The following ARHGEF26 variants were observed in gnomAD, a reference collection of about 807,000 sequenced individuals.
The protein encoded by ARHGEF26 is Rho guanine nucleotide exchange factor 26.
ARHGEF26 carries 59 observed loss-of-function variants against 89.4 expected under a neutral mutation model. The observed-to-expected ratio is 0.66, with a 90% CI of 0.54 to 0.82. The LOEUF is 0.82. Ranked by LOEUF, ARHGEF26 falls within the 40% of genes least tolerant of loss-of-function variation. ARHGEF26 has a pLI of 0.00. For missense variants in ARHGEF26, 1,234 were observed against 1,085.6 expected (o/e 1.14, Z -1.92); for synonymous variants, 500 against 428.4 (o/e 1.17, Z -2.06).
rs1720112666 is a variant in ARHGEF26, at chr3:154,152,930, A to G, written c.1485A>G (p.Lys495=). ...SNITDVCEAS[K]KFFIELEARH... ...TTACAGATGTCTGTGAGGCAAGCAA[A>G]AAGTAAGTGCACTGCAGTCTGCCTT... The change falls in exon 6 of 15, where the codon AAA becomes AAG. Residue 495 remains lysine (K), a splice_region_variant and synonymous_variant. Coordinates refer to ENST00000465093, the MANE Select transcript of ARHGEF26 (RefSeq NM_015595.4). The G allele has an allele frequency of 1.3e-6, 2 of 1,581,826 alleles. No homozygotes were observed. Among genetic ancestry groups the G allele is most frequent in the Non-Finnish European group, 8.6e-7 (1 of 1,165,466 alleles).
At chr3:154,201,997 T>G (rs979031844) in intron 9 of ARHGEF26, among the ~76,000 whole-genome samples, 2 of 152,154 alleles carry the variant, frequency 1.3e-5, no homozygotes, top group African/African-American at 2.4e-5. Context: ...GTGCAGAAGC[T>G]CTTTAGTTTA....
rs148643161 is a variant in ARHGEF26 at position 154,219,709 on chromosome 3, C to T, written c.1935+1751C>T. 4.0e-3 allele frequency among the ~76,000 whole-genome samples: 612 copies of T among 151,860 alleles called. 2 individuals are homozygous for T. Among genetic ancestry groups the T allele is most frequent in the African/African-American group, 0.014 (575 of 41,398 alleles). On this transcript the variant is annotated intron_variant, in intron 10 of 14. Transcript: ENST00000465093. The stretch of plus-strand genomic sequence containing the variant: ...AAGTGATTAACTGAGGTCAGGAGAT[C>T]GAGACCATCCTGGCTAACACAGTGA...
At chr3:154,253,400 A>G (rs1718284513) in intron 13 of ARHGEF26, among the ~76,000 whole-genome samples, 1 of 152,224 alleles carries the variant, frequency 6.6e-6, no homozygotes, top group Non-Finnish European at 1.5e-5. Flanking sequence ...TAAACGTGTC[A>G]AATCATTGCT....
At position 154,256,385 on chromosome 3, in the gene ARHGEF26, G is replaced by C; in HGVS notation, c.*912G>C. On this transcript the variant is annotated 3_prime_UTR_variant, in exon 15 of 15. Transcript: ENST00000465093. ...TTGTAAGAGTATGCCACCACGCCCA[G>C]CTACTTTTTGTATTTTTAGTAGAGA... 1 of 760,034 alleles carries C rather than the reference G, an allele frequency of 1.3e-6. No individual in the cohort carries two copies. The highest frequency in any genetic ancestry group is 1.6e-6 in the Non-Finnish European group (1 of 626,020). The allele number at this position is 760,034 out of a possible 1,614,324, so 47.1% of individuals were successfully genotyped here.
intron 1 of ARHGEF26, 33 bp from the exon 2 acceptor site, chr3:154,121,909 G>C: frequency 6.7e-7 from 1 of 1,497,294 alleles, no homozygotes; most frequent in South Asian, 1.4e-5. Context: ...CGGTTGTCCA[G>C]AGGCACAGTT....
chr3:154,212,886 T>C (rs2108235354), intron 9 of ARHGEF26, among the ~76,000 whole-genome samples: 1 of 152,142 alleles, frequency 6.6e-6, no homozygotes, highest in East Asian at 1.9e-4. Context: ...GTATATATGG[T>C]ACCTATTTCA....
intron 7 of ARHGEF26, among the ~76,000 whole-genome samples, chr3:154,190,805 C>A (rs1713909705): frequency 6.6e-6 from 1 of 152,192 alleles, no homozygotes; most frequent in South Asian, 2.1e-4. Flanking sequence ...GAAAGAGGAT[C>A]TTTGTGGCCT....
intron 4 of ARHGEF26, among the ~76,000 whole-genome samples, chr3:154,148,195 C>T (rs953151992): frequency 1.6e-4 from 24 of 152,168 alleles, no homozygotes; most frequent in African/African-American, 5.8e-4. Flanking sequence ...CATGAGGAGC[C>T]GCTTTGTCAT....
intron 4 of ARHGEF26, among the ~76,000 whole-genome samples, chr3:154,140,924 A>C (rs1432577964): frequency 6.6e-6 from 1 of 150,488 alleles, no homozygotes; most frequent in Non-Finnish European, 1.5e-5. Flanking sequence ...AGACTGTGTT[A>C]ACAGCCCTGT....
intron 7 of ARHGEF26, among the ~76,000 whole-genome samples, chr3:154,190,215 A>T (rs1713870915): frequency 6.6e-6 from 1 of 151,948 alleles, no homozygotes; most frequent in South Asian, 2.1e-4. Flanking sequence ...TTAACATTAG[A>T]AAACTTGGGT....
Position 154,134,555 on chromosome 3 carries a change from CAT to C in ARHGEF26, c.1269+4837_1269+4838del, listed in dbSNP as rs199506305. The stretch of plus-strand genomic sequence containing the variant: ...AACTCCCACCTGGTCCCCCCAACAA[CAT>C]GTGGGAATTCAATATGAGATTTGGG... On this transcript the variant is annotated intron_variant, in intron 4 of 14. Coordinates refer to ENST00000465093, the MANE Select transcript of ARHGEF26 (RefSeq NM_015595.4). Among the ~76,000 whole-genome samples the C allele has an allele frequency of 8.2e-3, 1,254 of 152,210 alleles. 11 individuals are homozygous for C. The highest frequency in any genetic ancestry group is 0.029 in the African/African-American group (1,199 of 41,510).
At chr3:154,173,996 G>A (rs551065528) in intron 6 of ARHGEF26, among the ~76,000 whole-genome samples, 2 of 152,316 alleles carry the variant, frequency 1.3e-5, no homozygotes, top group South Asian at 4.1e-4. Flanking sequence ...TCAGCCCAGT[G>A]TGCTGAGTAC....
intron 10 of ARHGEF26, among the ~76,000 whole-genome samples, chr3:154,222,385 A>G (rs78362367): frequency 0.011 from 1,635 of 152,332 alleles, 23 homozygotes; most frequent in African/African-American, 0.037. Context: ...AAGCTAGTGT[A>G]AAGTTAGAGC....
chr3:154,124,236 C>G (rs1272207528), intron 2 of ARHGEF26, among the ~76,000 whole-genome samples, 174 bp from the exon 3 acceptor site: 1 of 152,068 alleles, frequency 6.6e-6, no homozygotes, highest in Non-Finnish European at 1.5e-5. Flanking sequence ...TTGTAGTGAT[C>G]AAATGAGTGA....
At chr3:154,204,486 C>A (rs112855721) in intron 9 of ARHGEF26, among the ~76,000 whole-genome samples, 246 of 151,944 alleles carry the variant, frequency 1.6e-3, no homozygotes, top group African/African-American at 5.4e-3. Flanking sequence ...AGGTACATGC[C>A]TGGCTAATTT....
Position 154,257,064 on chromosome 3 carries a change from C to A in ARHGEF26, c.*1591C>A. On this transcript the variant is annotated 3_prime_UTR_variant, in exon 15 of 15. Coordinates refer to ENST00000465093, the MANE Select transcript of ARHGEF26 (RefSeq NM_015595.4). ...TATGTGACATGTCCCAACTACTGTC[C>A]GCTAACTAGTTATCCAAATTGTAAA... 1 of 1,351,498 alleles carries A rather than the reference C, an allele frequency of 7.4e-7. No homozygotes were observed. The highest frequency in any genetic ancestry group is 9.6e-7 in the Non-Finnish European group (1 of 1,041,686). The allele number at this position is 1,351,498 out of a possible 1,614,324, so 83.7% of individuals were successfully genotyped here.
At chr3:154,243,596 A>C (rs777742555) in intron 12 of ARHGEF26, among the ~76,000 whole-genome samples, 1 of 152,196 alleles carries the variant, frequency 6.6e-6, no homozygotes, top group Non-Finnish European at 1.5e-5. Context: ...ATGTTCTCAG[A>C]ATATTTAGTC....
Position 154,122,042 on chromosome 3 carries a change from T to G in ARHGEF26, c.50T>G (p.Leu17Trp). 1 of 1,611,680 alleles carries G rather than the reference T, an allele frequency of 6.2e-7. No homozygotes were observed. The highest frequency in any genetic ancestry group is 8.5e-7 in the Non-Finnish European group (1 of 1,178,140). ...TTTTCTAGCAACAGCATAACCCCTT[T>G]GTGGCGGAGGCGGTCGATTCCTCAG... ...VDFSSNSITPLWRRRSIPQPH... is the reference protein window; with the variant it reads ...VDFSSNSITPWWRRRSIPQPH... Residue 17 changes from leucine (L) to tryptophan (W), a missense_variant, in exon 2 of 15, where the codon TTG becomes TGG. Physicochemically the swap from Leu to Trp is moderately conservative, Grantham distance 61. Coordinates refer to ENST00000465093, the MANE Select transcript of ARHGEF26 (RefSeq NM_015595.4).
At chr3:154,146,087 G>T (rs1391296763) in intron 4 of ARHGEF26, among the ~76,000 whole-genome samples, 1 of 152,160 alleles carries the variant, frequency 6.6e-6, no homozygotes, top group Non-Finnish European at 1.5e-5. Context: ...AAATTGGATA[G>T]CTTATAAACA....
Sources: gnomAD v4.1 joint callset for allele counts (sites outside exome capture counted in the v4.1 genomes callset) on GRCh38, gnomAD v4.1.1 for gene constraint, MANE v1.5 for transcripts, NCBI Gene and HGNC (gene_info 2026-07-23, HGNC 2026-07-21) for gene names.